The following SAP30BP variants were observed in gnomAD, a reference collection of about 807,000 sequenced individuals.
The protein encoded by SAP30BP is SAP30-binding protein.
A neutral mutation model predicts 46.3 loss-of-function variants in SAP30BP; 31 were observed. That is an observed-to-expected ratio of 0.67 (90% CI 0.50 to 0.90). The LOEUF (loss-of-function observed/expected upper bound fraction) is 0.90. Among genes scored for constraint, SAP30BP ranks in the 40% least tolerant of loss-of-function variants. The pLI is 0.00. For synonymous variants in SAP30BP, 169 were observed against 144.2 expected (o/e 1.17, Z -1.23); for missense variants, 312 against 391.0 (o/e 0.80, Z 1.70).
Position 75,704,225 on chromosome 17 carries a change from G to C in SAP30BP, c.601+366G>C, listed in dbSNP as rs117124001. ...TTGAAGAGGCAGAGGGGCCAGGCAGGTGTAGGCAGAATGTTCTGAGGCCAG... is the reference window on the plus strand; with the variant it reads ...TTGAAGAGGCAGAGGGGCCAGGCAGCTGTAGGCAGAATGTTCTGAGGCCAG... On this transcript the variant is annotated intron_variant, in intron 8 of 10. Coordinates refer to ENST00000584667, the MANE Select transcript of SAP30BP (RefSeq NM_013260.8). 8.5e-5 allele frequency among the ~76,000 whole-genome samples: 13 copies of C among 152,280 alleles called. No individual in the cohort carries two copies. In the East Asian group the frequency reaches 2.5e-3, roughly 29 times the overall value.
At chr17:75,681,122 G>A (rs1599116732) in intron 3 of SAP30BP, among the ~76,000 whole-genome samples, 1 of 152,196 alleles carries the variant, frequency 6.6e-6, no homozygotes, top group South Asian at 2.1e-4. Flanking sequence ...TCACAATTCA[G>A]TAGCTGCTTA....
intron 4 of SAP30BP, among the ~76,000 whole-genome samples, chr17:75,697,358 C>T (rs1014038154): frequency 3.2e-4 from 48 of 152,330 alleles, no homozygotes; most frequent in African/African-American, 1.1e-3. Context: ...CCAGCTTCTG[C>T]AACCTCAGCC....
chr17:75,699,537 G>A (rs1360810116), intron 4 of SAP30BP, among the ~76,000 whole-genome samples: 1 of 149,788 alleles, frequency 6.7e-6, no homozygotes, highest in Non-Finnish European at 1.5e-5. Context: ...AAAGTTAACT[G>A]CTGTATACAT....
Position 75,704,786 on chromosome 17 carries a change from T to G in SAP30BP, c.632T>G (p.Leu211Trp). 6.2e-7 allele frequency: 1 copy of G among 1,613,768 alleles called. No homozygotes were observed. The highest frequency in any genetic ancestry group is 8.5e-7 in the Non-Finnish European group (1 of 1,179,922). The change falls in exon 9 of 11, where the codon TTG becomes TGG. Residue 211 changes from leucine (L) to tryptophan (W), a missense_variant. By Grantham distance (61) the Leu-to-Trp change is moderately conservative. Coordinates refer to ENST00000584667, the MANE Select transcript of SAP30BP (RefSeq NM_013260.8). ...GCCCAGAAAATTGAGATGGACAAAT[T>G]GGAAAAGGCCAAAAAGGAGCGAACA... Reference protein sequence around the residue: ...AKAQKIEMDKLEKAKKERTKI... With the variant: ...AKAQKIEMDKWEKAKKERTKI...
At position 75,706,579 on chromosome 17, in the gene SAP30BP, T is replaced by G; in HGVS notation, c.*58T>G. ...GTGCAGCCCAGTGACCACTGCCCAG[T>G]GGGAGGCGCCACTTTGTATATTTCA... is the stretch of plus-strand genomic sequence containing the variant. On this transcript the variant is annotated 3_prime_UTR_variant, in exon 11 of 11. Coordinates refer to ENST00000584667, the MANE Select transcript of SAP30BP (RefSeq NM_013260.8). This position sits in a 1 kb window ranked among gnomAD's most constrained non-coding sequence, Gnocchi z 4.6. The G allele has an allele frequency of 5.3e-6, 8 of 1,497,302 alleles. No individual in the cohort carries two copies. The highest frequency in any genetic ancestry group is 7.4e-6 in the Non-Finnish European group (8 of 1,084,504). The allele number at this position is 1,497,302 out of a possible 1,614,324, so 92.8% of individuals were successfully genotyped here. A position where few individuals can be genotyped will look rare whatever the true frequency, so the allele number is the denominator to read the frequency against.
intron 3 of SAP30BP, among the ~76,000 whole-genome samples, chr17:75,687,362 T>C (rs1234652870): frequency 6.6e-6 from 1 of 152,158 alleles, no homozygotes; most frequent in African/African-American, 2.4e-5. Flanking sequence ...ACACCTGTAA[T>C]CCCAGCATTT....
At chr17:75,685,456 A>G (rs1396600703) in intron 3 of SAP30BP, among the ~76,000 whole-genome samples, 3 of 151,972 alleles carry the variant, frequency 2.0e-5, no homozygotes, top group Non-Finnish European at 4.4e-5. Context: ...TTGGCCCTCT[A>G]AGTAACTCAG....
chr17:75,703,761 G>T, intron 7 of SAP30BP, 47 bp from the exon 8 acceptor site: 1 of 1,560,286 alleles, frequency 6.4e-7, no homozygotes, highest in Non-Finnish European at 8.8e-7. Context: ...AGGAACTTGG[G>T]TTTCTGAGTC....
At chr17:75,668,738 G>C in intron 2 of SAP30BP, 113 bp downstream of exon 2, 2 of 679,082 alleles carry the variant, frequency 2.9e-6, no homozygotes, top group South Asian at 3.8e-5. Context: ...TTGCTCTCCC[G>C]TTTTGTTTTA....
intron 3 of SAP30BP, among the ~76,000 whole-genome samples, chr17:75,678,274 A>G (rs2060022444): frequency 6.6e-6 from 1 of 152,138 alleles, no homozygotes; most frequent in African/African-American, 2.4e-5. Context: ...CCCTCCTCAG[A>G]TGCTCAAGGT....
chr17:75,681,168 CAT>C (rs1350374469), intron 3 of SAP30BP, among the ~76,000 whole-genome samples: 1 of 152,196 alleles, frequency 6.6e-6, no homozygotes, highest in African/African-American at 2.4e-5. Flanking sequence ...TGGTATGTGA[CAT>C]GTGGAGTAAG....
At chr17:75,689,087 A>G (rs2060204787) in intron 3 of SAP30BP, among the ~76,000 whole-genome samples, 1 of 149,388 alleles carries the variant, frequency 6.7e-6, no homozygotes, top group Non-Finnish European at 1.5e-5. Flanking sequence ...TTTAAACCAT[A>G]CTTCCTCTTT....
chr17:75,706,673 G>C lies in SAP30BP; in HGVS notation c.*152G>C. On this transcript the variant is annotated 3_prime_UTR_variant, in exon 11 of 11. Transcript: ENST00000584667. This position sits in a 1 kb window ranked among gnomAD's most constrained non-coding sequence, Gnocchi z 4.6. ...GTTTGGCATTCCAGATGGAAGGACA[G>C]GCAGCACGGGAGCCAGGCGCTGTGG... is the stretch of plus-strand genomic sequence containing the variant. 1 of 706,738 alleles carries C rather than the reference G, an allele frequency of 1.4e-6. No individual in the cohort carries two copies. Among genetic ancestry groups the C allele is most frequent in the Non-Finnish European group, 2.3e-6 (1 of 426,212 alleles). The allele number at this position is 706,738 out of a possible 1,614,324, so 43.8% of individuals were successfully genotyped here.
At chr17:75,672,615 A>G (rs2059923533) in intron 3 of SAP30BP, among the ~76,000 whole-genome samples, 1 of 152,136 alleles carries the variant, frequency 6.6e-6, no homozygotes, top group South Asian at 2.1e-4. Flanking sequence ...AAAAAGACTT[A>G]ATTATATCAC....
chr17:75,704,678 C>T (rs891640131), intron 8 of SAP30BP, 78 bp from the exon 9 acceptor site: 35 of 1,075,212 alleles, frequency 3.3e-5, no homozygotes, highest in Non-Finnish European at 4.6e-5. Context: ...CTGAAAAGAA[C>T]GCAGGGATCA....
At chr17:75,693,304 G>T in intron 3 of SAP30BP, 136 bp from the exon 4 acceptor site, 2 of 682,704 alleles carry the variant, frequency 2.9e-6, no homozygotes, top group South Asian at 3.8e-5. Flanking sequence ...GGCCCCTGAA[G>T]CATCAGCTTA....
At chr17:75,677,432 C>CT (rs35570298) in intron 3 of SAP30BP, among the ~76,000 whole-genome samples, 57,311 of 118,216 alleles carry the variant, frequency 0.48, 15,626 homozygotes, top group Non-Finnish European at 0.61. Flanking sequence ...GTGAAACTGG[C>CT]TTTTTTTTTT....
chr17:75,687,419 C>A (rs950437093), intron 3 of SAP30BP, among the ~76,000 whole-genome samples: 2 of 152,070 alleles, frequency 1.3e-5, no homozygotes, highest in Middle Eastern at 3.4e-3. Flanking sequence ...AGTTCAAGAG[C>A]AGCCTGGGCA....
Position 75,706,948 on chromosome 17 carries a change from C to T in SAP30BP, c.*427C>T. 5.4e-6 allele frequency: 1 copy of T among 185,702 alleles called. No homozygotes were observed. Among genetic ancestry groups the T allele is most frequent in the Non-Finnish European group, 1.1e-5 (1 of 87,528 alleles). 11.5% of individuals were successfully genotyped at this position (185,702 alleles called of 1,614,324 possible). A position where few individuals can be genotyped will look rare whatever the true frequency, so the allele number is the denominator to read the frequency against. On this transcript the variant is annotated 3_prime_UTR_variant, in exon 11 of 11. Transcript: ENST00000584667. The surrounding 1 kb of genome is among the most constrained non-coding windows in gnomAD (Gnocchi z 4.6). ...AAGTCACCGTTGTTATCCGTGTATG[C>T]CTCTGGGCATGGACAGGCGGGAGTC...
Sources: gnomAD v4.1 joint callset for allele counts (sites outside exome capture counted in the v4.1 genomes callset) on GRCh38, gnomAD v4.1.1 for gene constraint, Gnocchi (gnomAD v3.1) non-coding constraint, MANE v1.5 for transcripts, NCBI Gene and HGNC (gene_info 2026-07-23, HGNC 2026-07-21) for gene names.